The following XKR6 variants were observed in gnomAD, a reference collection of about 807,000 sequenced individuals.
The protein encoded by XKR6 is XK-related protein 6.
A neutral mutation model predicts 56.7 loss-of-function variants in XKR6; 22 were observed. The observed-to-expected ratio is 0.39, with a 90% CI of 0.28 to 0.55. XKR6 has a LOEUF of 0.55. Among genes scored for constraint, XKR6 ranks in the 20% least tolerant of loss-of-function variants. The pLI, the probability that XKR6 is intolerant of heterozygous loss-of-function variation, is 0.66. For synonymous variants in XKR6, 524 were observed against 387.8 expected, an observed-to-expected ratio of 1.35 and a Z score of -4.13; for missense variants, 852 against 889.0, an observed-to-expected ratio of 0.96 and a Z score of 0.53.
At chr8:11,155,747 T>C (rs1045276546) in intron 1 of XKR6, among the ~76,000 whole-genome samples, 2 of 152,150 alleles carry the variant, frequency 1.3e-5, no homozygotes, top group African/African-American at 2.4e-5. Flanking sequence ...CTCCCACCCG[T>C]CTATTTTTCC....
chr8:11,110,704 G>A (rs546236954), intron 1 of XKR6, among the ~76,000 whole-genome samples: 11 of 152,260 alleles, frequency 7.2e-5, no homozygotes, highest in Non-Finnish European at 1.0e-4. Context: ...AAAGATAGCC[G>A]CTCGAGGACT....
chr8:11,100,535 T>G (rs1198463138), intron 1 of XKR6, among the ~76,000 whole-genome samples: 1 of 152,152 alleles, frequency 6.6e-6, no homozygotes, highest in Non-Finnish European at 1.5e-5. Context: ...ATGGCACGGA[T>G]AGAAGGCCAC....
At chr8:10,993,570 G>A (rs1288652763) in intron 1 of XKR6, among the ~76,000 whole-genome samples, 1 of 152,210 alleles carries the variant, frequency 6.6e-6, no homozygotes, top group Non-Finnish European at 1.5e-5. Flanking sequence ...AGGTGGCCCT[G>A]CACCTGCGGC....
chr8:11,176,479 G>C (rs1245344885), intron 1 of XKR6, among the ~76,000 whole-genome samples: 1 of 152,028 alleles, frequency 6.6e-6, no homozygotes, highest in East Asian at 1.9e-4. Context: ...CTGGTTAACT[G>C]GTGTTTTTAT....
chr8:10,939,314 T>A (rs1021121996), intron 1 of XKR6, among the ~76,000 whole-genome samples: 20 of 152,212 alleles, frequency 1.3e-4, no homozygotes, highest in Admixed American at 1.3e-3. Context: ...TCCTAACGAA[T>A]GTCTCTTTGG....
chr8:11,181,591 T>C (rs1285125793), intron 1 of XKR6, among the ~76,000 whole-genome samples: 1 of 152,204 alleles, frequency 6.6e-6, no homozygotes, highest in Non-Finnish European at 1.5e-5. Context: ...CAAGGTTTGT[T>C]TTGTATATTT....
chr8:11,135,107 A>G (rs1281048412), intron 1 of XKR6, among the ~76,000 whole-genome samples: 1 of 148,976 alleles, frequency 6.7e-6, no homozygotes, highest in Non-Finnish European at 1.5e-5. Flanking sequence ...ATCTTGGCTC[A>G]CTGCAAGCTC....
At chr8:11,143,849 A>G (rs1393787898) in intron 1 of XKR6, among the ~76,000 whole-genome samples, 1 of 152,216 alleles carries the variant, frequency 6.6e-6, no homozygotes, top group South Asian at 2.1e-4. Context: ...CTTCAACAAC[A>G]GAAATTGATT....
intron 1 of XKR6, among the ~76,000 whole-genome samples, chr8:11,074,183 C>A (rs542064535): frequency 1.3e-5 from 2 of 152,168 alleles, no homozygotes; most frequent in East Asian, 1.9e-4. Flanking sequence ...ACGGCCCCAG[C>A]GATGGGGCTG....
intron 1 of XKR6, among the ~76,000 whole-genome samples, chr8:11,052,588 G>T (rs536849399): frequency 1.1e-4 from 17 of 152,104 alleles, no homozygotes; most frequent in African/African-American, 3.4e-4. Context: ...GTTCCTGGAC[G>T]TGAGGCTTTG....
At chr8:11,110,326 C>A (rs11997297) in intron 1 of XKR6, among the ~76,000 whole-genome samples, 3,606 of 152,168 alleles carry the variant, frequency 0.024, 156 homozygotes, top group African/African-American at 0.08. Flanking sequence ...ACATTACCAG[C>A]CAATTTCTCT....
rs1174688002 is a variant in XKR6, at chr8:11,132,919, T to G, written c.764+67657A>C. Reference sequence around the variant, plus strand: ...GAAATAAATGCTCTAAAGACAAAAGTTGCTTTTCAATTTAGACTAAAAAGA... The same window carrying G: ...GAAATAAATGCTCTAAAGACAAAAGGTGCTTTTCAATTTAGACTAAAAAGA... On this transcript the variant is annotated intron_variant, in intron 1 of 2. Transcript: ENST00000416569. Among the ~76,000 whole-genome samples, 3 of 151,020 alleles carry G rather than the reference T, an allele frequency of 2.0e-5. No individual in the cohort carries two copies. In the East Asian group the frequency reaches 5.8e-4, roughly 29 times the overall value.
intron 1 of XKR6, among the ~76,000 whole-genome samples, chr8:11,126,691 T>C (rs1158321820): frequency 6.6e-6 from 1 of 152,176 alleles, no homozygotes; most frequent in African/African-American, 2.4e-5. Context: ...AATCTATTAA[T>C]GAACAGAGCC....
intron 1 of XKR6, among the ~76,000 whole-genome samples, chr8:11,130,611 G>C (rs911880255): frequency 1.3e-5 from 2 of 151,114 alleles, no homozygotes; most frequent in Admixed American, 1.3e-4. Context: ...CTCCCTCGCC[G>C]GTTTTTTTTT....
chr8:11,003,597 C>A (rs1316929169), intron 1 of XKR6, among the ~76,000 whole-genome samples: 1 of 152,096 alleles, frequency 6.6e-6, no homozygotes, highest in Non-Finnish European at 1.5e-5. Flanking sequence ...TCAAATAATC[C>A]TTTTAAAGTA....
intron 1 of XKR6, among the ~76,000 whole-genome samples, chr8:10,985,545 A>T (rs79751702): frequency 6.6e-6 from 1 of 151,802 alleles, no homozygotes; most frequent in Non-Finnish European, 1.5e-5. Flanking sequence ...TTCTTGCTCA[A>T]AAATTACCAA....
intron 2 of XKR6, among the ~76,000 whole-genome samples, chr8:10,918,202 AG>A (rs1800614014): frequency 6.6e-6 from 1 of 152,158 alleles, no homozygotes. Context: ...GGGGAGCTGG[AG>A]GGTCCTTGTC....
intron 1 of XKR6, among the ~76,000 whole-genome samples, chr8:11,032,152 G>C (rs763167319): frequency 4.6e-5 from 7 of 152,184 alleles, no homozygotes; most frequent in Non-Finnish European, 8.8e-5. Flanking sequence ...TGCTCATCTA[G>C]TTTTTCTTCT....
At chr8:11,057,291 T>C (rs1321961423) in intron 1 of XKR6, among the ~76,000 whole-genome samples, 1 of 152,222 alleles carries the variant, frequency 6.6e-6, no homozygotes, top group Non-Finnish European at 1.5e-5. Context: ...ACCTTATTTA[T>C]TTCTGGTATT....
Sources: allele counts gnomAD v4.1 joint callset (sites outside exome capture counted in the v4.1 genomes callset), GRCh38; gene constraint gnomAD v4.1.1; transcripts MANE v1.5; gene names NCBI Gene and HGNC (gene_info 2026-07-23, HGNC 2026-07-21).